Variants in ZFP36L1 observed in about 807,000 individuals in gnomAD.
The protein encoded by ZFP36L1 is mRNA decay activator protein ZFP36L1.
Under a neutral mutation model 16.7 loss-of-function variants are expected in ZFP36L1, and 4 were observed. The ratio of observed to expected loss-of-function variants is 0.24; its 90% CI spans 0.12 to 0.55. The LOEUF (loss-of-function observed/expected upper bound fraction) is 0.55, where lower values mean the gene tolerates loss of function less well. ZFP36L1 is among the 20% of genes least tolerant of loss of function. ZFP36L1 has a pLI of 0.94. For missense variants in ZFP36L1, 311 were observed against 449.2 expected, an observed-to-expected ratio of 0.69 and a Z score of 2.78; for synonymous variants, 220 against 190.8, an observed-to-expected ratio of 1.15 and a Z score of -1.26.
chr14:68,793,464 C>G (rs1461314410), upstream of ZFP36L1: 1 of 990,078 alleles, frequency 1.0e-6, no homozygotes, highest in East Asian at 1.1e-4. Flanking sequence ...GCGGCTGTGA[C>G]GTCACTCATT....
chr14:68,793,018 G>T lies in ZFP36L1; in HGVS notation c.-80C>A. The T allele has an allele frequency of 6.2e-7, 1 of 1,606,678 alleles. No individual in the cohort carries two copies. On this transcript the variant is annotated 5_prime_UTR_variant, in exon 1 of 2. Transcript: ENST00000439696. Reference sequence around the variant, plus strand: ...GTGCGGGGAAGGCGCAGCCTCTCCTGTCTGGAGTCCCACACGCCAGTTCCC... The same window carrying T: ...GTGCGGGGAAGGCGCAGCCTCTCCTTTCTGGAGTCCCACACGCCAGTTCCC...
chr14:68,795,805 A>G (rs746333830), upstream of ZFP36L1: 4 of 535,438 alleles, frequency 7.5e-6, no homozygotes, highest in African/African-American at 7.7e-5. Flanking sequence ...CATTTCGGGG[A>G]CTTTCCAAGG....
At chr14:68,795,904 A>G, upstream of ZFP36L1, 1 of 945,556 alleles carries the variant, frequency 1.1e-6, no homozygotes, top group Non-Finnish European at 1.6e-6. Flanking sequence ...GCGGGAGCCG[A>G]CCCGCCCTCG....
chr14:68,792,577 C>T (rs1372030958), intron 1 of ZFP36L1, among the ~76,000 whole-genome samples: 2 of 152,064 alleles, frequency 1.3e-5, no homozygotes, highest in Admixed American at 6.5e-5. Context: ...AACAGGATCG[C>T]CCAAAACTTG....
In ZFP36L1 at chr14:68,789,229, G is replaced by GA. The variant is rs146146426; in HGVS notation, c.*303dup. 5,332 of 349,742 alleles carry GA rather than the reference G, an allele frequency of 0.015. 188 individuals are homozygous for GA. The highest frequency in any genetic ancestry group is 0.089 in the African/African-American group (4,248 of 47,694). The allele number at this position is 349,742 out of a possible 1,614,324, so 21.7% of individuals were successfully genotyped here. On this transcript the variant is annotated 3_prime_UTR_variant, in exon 2 of 2. Transcript: ENST00000439696. The surrounding 1 kb of genome is among the most constrained non-coding windows in gnomAD (Gnocchi z 4.5). ...GATTTGGCACTTAAGGCTTAAGCCG[G>GA]AAAAAAAAAGGCATCTACTGACAAA...
At position 68,790,229 on chromosome 14, in the gene ZFP36L1, G is replaced by T. The variant is rs1450778856; in HGVS notation, c.321C>A (p.Gly107=). ...RLLPTQKQPG[G]GQVNSSRYKT... is the part of the protein sequence containing the mutation. The stretch of plus-strand genomic sequence containing the variant: ...TGTAGCGGCTGGAGTTGACCTGGCC[G>T]CCCCCGGGCTGCTTCTGGGTGGGCA... The change falls in exon 2 of 2, where the codon GGC becomes GGA. Residue 107 remains glycine (G), a synonymous_variant. Transcript: ENST00000439696. 2 of 1,612,256 alleles carry T rather than the reference G, an allele frequency of 1.2e-6. No homozygotes were observed. The highest frequency in any genetic ancestry group is 1.7e-6 in the Non-Finnish European group (2 of 1,179,836).
At chr14:68,793,095 T>C (rs1369266593), upstream of ZFP36L1, 1 of 1,542,774 alleles carries the variant, frequency 6.5e-7, no homozygotes, top group African/African-American at 1.4e-5. Flanking sequence ...GCCCAATTTA[T>C]AAAGTTCAGA....
chr14:68,792,349 T>G (rs542137315), intron 1 of ZFP36L1, among the ~76,000 whole-genome samples: 1 of 152,286 alleles, frequency 6.6e-6, no homozygotes, highest in South Asian at 2.1e-4. Flanking sequence ...TGCAAACTTG[T>G]TCTGCAACAT....
rs373883794 is a variant in ZFP36L1, at chr14:68,791,063, C to T, written c.58-571G>A. ...GGTTTTCAGACTGCCTTTGCTTTTT[C>T]TTGTGGGGAGGAGATTGGGGGCCTG... On this transcript the variant is annotated intron_variant, in intron 1 of 1. Coordinates refer to ENST00000439696, the MANE Select transcript of ZFP36L1 (RefSeq NM_004926.4). 9.5e-4 allele frequency: 665 copies of T among 701,900 alleles called. 2 individuals are homozygous for T. The highest frequency in any genetic ancestry group is 4.7e-3 in the East Asian group (176 of 37,248). The allele number at this position is 701,900 out of a possible 1,614,324, so 43.5% of individuals were successfully genotyped here. A position where few individuals can be genotyped will look rare whatever the true frequency, so the allele number is the denominator to read the frequency against.
chr14:68,793,929 TG>T (rs1207658544), upstream of ZFP36L1: 1 of 180,662 alleles, frequency 5.5e-6, no homozygotes, highest in Non-Finnish European at 8.7e-6. Context: ...TGTGGGCGGG[TG>T]GGGGGCGCCG....
At chr14:68,792,300 G>C (rs1412480231) in intron 1 of ZFP36L1, among the ~76,000 whole-genome samples, 2 of 152,144 alleles carry the variant, frequency 1.3e-5, no homozygotes, top group Non-Finnish European at 2.9e-5. Context: ...GCTATCGCGG[G>C]AAGAAGCCCA....
chr14:68,794,965 TCTG>T (rs898397830), upstream of ZFP36L1, among the ~76,000 whole-genome samples: 2 of 152,214 alleles, frequency 1.3e-5, no homozygotes, highest in Non-Finnish European at 2.9e-5. Flanking sequence ...CCTCGCTTGT[TCTG>T]CTGCTGCCCT....
At chr14:68,795,282 C>T (rs965786105), upstream of ZFP36L1, among the ~76,000 whole-genome samples, 26 of 152,246 alleles carry the variant, frequency 1.7e-4, no homozygotes, top group African/African-American at 2.6e-4. Flanking sequence ...TTTTTTATTC[C>T]CCCGGCCTCC....
chr14:68,788,926 C>T lies in ZFP36L1; in HGVS notation c.*607G>A, dbSNP rs1894984868. ...GTCTGGCAACAACTCTTCCAAGGGG[C>T]AGGGGTGGGGGGGGTGGGGGGGCGG... On this transcript the variant is annotated 3_prime_UTR_variant, in exon 2 of 2. Coordinates refer to ENST00000439696, the MANE Select transcript of ZFP36L1 (RefSeq NM_004926.4). 1 of 2,096 alleles carries T rather than the reference C, an allele frequency of 4.8e-4. No homozygotes were observed. The highest frequency in any genetic ancestry group is 1.0e-3 in the Non-Finnish European group (1 of 978). The allele number at this position is 2,096 out of a possible 1,614,324, so 0.1% of individuals were successfully genotyped here.
At chr14:68,792,527 T>C (rs1895115941) in intron 1 of ZFP36L1, among the ~76,000 whole-genome samples, 1 of 152,102 alleles carries the variant, frequency 6.6e-6, no homozygotes, top group Non-Finnish European at 1.5e-5. Flanking sequence ...GGGAACCCGA[T>C]CAGACCAGCA....
chr14:68,793,697 C>G, upstream of ZFP36L1: 1 of 985,538 alleles, frequency 1.0e-6, no homozygotes, highest in Non-Finnish European at 1.2e-6. Context: ...GCAAACCGGG[C>G]AGGCCGAGGA....
Position 68,789,898 on chromosome 14 carries a change from C to A in ZFP36L1, c.652G>T (p.Gly218Trp). 6.2e-7 allele frequency: 1 copy of A among 1,609,164 alleles called. No homozygotes were observed. The highest frequency in any genetic ancestry group is 8.5e-7 in the Non-Finnish European group (1 of 1,179,372). ...ATGGACGTGGGGCTGTCCAGCAGCC[C>A]GGTGGCAGCGGCGGTGGCAGCGGCA... ...PSAAATAAAT[G>W]LLDSPTSITP... The change falls in exon 2 of 2, where the codon GGG (glycine) becomes TGG (tryptophan). Residue 218 changes from glycine to tryptophan, a missense_variant. Physicochemically the swap from Gly to Trp is radical, Grantham distance 184 (BLOSUM62 -2). Transcript: ENST00000439696. The surrounding 1 kb of genome is among the most constrained non-coding windows in gnomAD (Gnocchi z 4.5).
chr14:68,792,428 C>A, intron 1 of ZFP36L1, among the ~76,000 whole-genome samples: 1 of 152,284 alleles, frequency 6.6e-6, no homozygotes, highest in African/African-American at 2.4e-5. Context: ...TGGAGGAAAA[C>A]ATTGTCCCGA....
At chr14:68,792,311 A>G (rs575555062) in intron 1 of ZFP36L1, among the ~76,000 whole-genome samples, 1 of 152,194 alleles carries the variant, frequency 6.6e-6, no homozygotes, top group East Asian at 1.9e-4. Flanking sequence ...AAGAAGCCCA[A>G]CGGAGCTAGG....
Sources: allele counts gnomAD v4.1 joint callset (sites outside exome capture counted in the v4.1 genomes callset), GRCh38; gene constraint gnomAD v4.1.1; non-coding constraint Gnocchi (gnomAD v3.1); transcripts MANE v1.5; gene names NCBI Gene and HGNC (gene_info 2026-07-23, HGNC 2026-07-21).